MXI1: variants seen among roughly 807,000 people sequenced by gnomAD.
MXI1 encodes the protein MAX interactor 1, dimerization protein.
A neutral mutation model predicts 36.9 loss-of-function variants in MXI1; 18 were observed. That is an observed-to-expected ratio of 0.49 (90% confidence interval 0.34 to 0.72). The LOEUF (loss-of-function observed/expected upper bound fraction) is 0.72. Ranked by LOEUF, MXI1 falls within the 30% of genes least tolerant of loss-of-function variation. The pLI is 0.01. For synonymous variants in MXI1, 160 were observed against 146.7 expected (o/e 1.09, Z -0.65); for missense variants, 304 against 379.1 (o/e 0.80, Z 1.64).
At chr10:110,260,770 G>C (rs1272055919) in intron 3 of MXI1, among the ~76,000 whole-genome samples, 1 of 152,008 alleles carries the variant, frequency 6.6e-6, no homozygotes, top group East Asian at 1.9e-4. Context: ...CATATGGATA[G>C]ATATAGATAC....
At chr10:110,243,785 G>A (rs942363945) in intron 2 of MXI1, among the ~76,000 whole-genome samples, 4 of 151,982 alleles carry the variant, frequency 2.6e-5, no homozygotes, top group Non-Finnish European at 5.9e-5. Context: ...AATCATATGA[G>A]GCAAATACTG....
intron 1 of MXI1, among the ~76,000 whole-genome samples, chr10:110,219,098 G>A (rs1027675619): frequency 1.3e-5 from 2 of 152,310 alleles, no homozygotes; most frequent in African/African-American, 2.4e-5. Context: ...TCAGGAGTTC[G>A]AGACCAGCCT....
chr10:110,228,173 T>G lies in MXI1; in HGVS notation c.275-16T>G, dbSNP rs1300348113. 2 of 1,613,514 alleles carry G rather than the reference T, an allele frequency of 1.2e-6. No individual in the cohort carries two copies. Among genetic ancestry groups the G allele is most frequent in the Non-Finnish European group, 1.7e-6 (2 of 1,179,810 alleles). ...TATATTCTTCTTACCGTATCTTTTT[T>G]TCTTGCTTTCTTCAGAGTGTGAACA... On this transcript the variant is annotated splice_polypyrimidine_tract_variant and intron_variant, in intron 1 of 5. Transcript: ENST00000332674.
intron 3 of MXI1, among the ~76,000 whole-genome samples, chr10:110,251,485 G>A (rs1015063136): frequency 6.6e-6 from 1 of 152,030 alleles, no homozygotes; most frequent in Non-Finnish European, 1.5e-5. Context: ...ACCAGTAAAT[G>A]TCTAGAAAGG....
chr10:110,224,686 G>GC (rs1451335115), intron 1 of MXI1, among the ~76,000 whole-genome samples: 3 of 149,840 alleles, frequency 2.0e-5, no homozygotes, highest in Non-Finnish European at 4.4e-5. Flanking sequence ...TGTTGCCCAG[G>GC]CTGGAGGCCG....
chr10:110,230,556 G>C (rs1262345193), intron 2 of MXI1, among the ~76,000 whole-genome samples: 1 of 152,194 alleles, frequency 6.6e-6, no homozygotes, highest in African/African-American at 2.4e-5. Flanking sequence ...CAATGTGTGG[G>C]TTTTGGGCTG....
intron 3 of MXI1, among the ~76,000 whole-genome samples, chr10:110,268,433 ACACAGTGTAATGTTG>A (rs1322005311): frequency 1.3e-5 from 2 of 152,230 alleles, no homozygotes; most frequent in African/African-American, 2.4e-5. Flanking sequence ...GAAGCAAGTC[ACACAGTGTAATGTTG>A]CAACCCAGAT....
intron 2 of MXI1, among the ~76,000 whole-genome samples, chr10:110,239,011 T>A (rs1298805371): frequency 6.6e-6 from 1 of 152,238 alleles, no homozygotes; most frequent in African/African-American, 2.4e-5. Context: ...ATGTGTTGAT[T>A]TTTTAAAGTC....
chr10:110,279,303 T>C lies in MXI1; in HGVS notation c.552+9T>C. The C allele has an allele frequency of 6.2e-7, 1 of 1,610,390 alleles. No homozygotes were observed. Among genetic ancestry groups the C allele is most frequent in the Non-Finnish European group, 8.5e-7 (1 of 1,176,670 alleles). ...CCAAAGCACACATCAAGGTGAGAAT[T>C]TTTACTTTCAGATTTGCACAATTCC... On this transcript the variant is annotated intron_variant, in intron 4 of 5. Coordinates refer to ENST00000332674, the MANE Select transcript of MXI1 (RefSeq NM_130439.3).
intron 3 of MXI1, 64 bp downstream of exon 3, chr10:110,244,921 G>A: frequency 6.6e-7 from 1 of 1,520,436 alleles, no homozygotes; most frequent in Non-Finnish European, 9.0e-7. Context: ...TTTTACCTGT[G>A]AAAATAATGT....
chr10:110,284,985 T>C lies in MXI1; in HGVS notation c.886T>C (p.Ter296GlnextTer4). 5.0e-6 allele frequency: 8 copies of C among 1,611,602 alleles called. No individual in the cohort carries two copies. The highest frequency in any genetic ancestry group is 1.1e-5 in the South Asian group (1 of 90,438). The change falls in exon 6 of 6, where the codon TAG becomes CAG. Residue 296 changes from the stop codon to glutamine, a stop_lost. Coordinates refer to ENST00000332674, the MANE Select transcript of MXI1 (RefSeq NM_130439.3). ...SASVKLSFTS[*>Q] ...CAGTGTCAAACTTTCATTCACTTCA[T>C]AGAACCCAGCATGACATAACAGTGC... is the stretch of plus-strand genomic sequence containing the variant.
chr10:110,226,390 AGGTGTGCGCGCATGTGAGGGGAGG>A (rs1185141467), intron 1 of MXI1: 196 of 962,714 alleles, frequency 2.0e-4, no homozygotes, highest in Non-Finnish European at 2.3e-4. Flanking sequence ...GCATGAGGTG[AGGTGTGCGCGCATGTGAGGGGAGG>A]GGTGTGCGCG....
intron 3 of MXI1, among the ~76,000 whole-genome samples, chr10:110,264,421 A>G (rs1306774563): frequency 6.7e-6 from 1 of 149,948 alleles, no homozygotes; most frequent in East Asian, 2.0e-4. Context: ...GCTGGAGTGC[A>G]ATGGTGTGAT....
chr10:110,221,742 A>G (rs1854812395), intron 1 of MXI1, among the ~76,000 whole-genome samples: 1 of 152,184 alleles, frequency 6.6e-6, no homozygotes, highest in Non-Finnish European at 1.5e-5. Context: ...CACCAGTAAA[A>G]CTGGAGTTAA....
At chr10:110,254,987 G>A (rs1373177685) in intron 3 of MXI1, among the ~76,000 whole-genome samples, 1 of 151,970 alleles carries the variant, frequency 6.6e-6, no homozygotes, top group Non-Finnish European at 1.5e-5. Context: ...CAAAGTAGAC[G>A]AAACCATCAT....
chr10:110,210,870 C>T (rs1027273898), intron 1 of MXI1, among the ~76,000 whole-genome samples: 3 of 152,192 alleles, frequency 2.0e-5, no homozygotes, highest in Admixed American at 1.3e-4. Flanking sequence ...GCGGGTCGCT[C>T]GGCGCGCGCG....
At chr10:110,251,520 G>A (rs1856086503) in intron 3 of MXI1, among the ~76,000 whole-genome samples, 1 of 152,020 alleles carries the variant, frequency 6.6e-6, no homozygotes, top group Admixed American at 6.6e-5. Flanking sequence ...TTTTCATACT[G>A]AAAAATGAAA....
chr10:110,252,603 A>G (rs111933975), intron 3 of MXI1, among the ~76,000 whole-genome samples: 349 of 152,262 alleles, frequency 2.3e-3, no homozygotes, highest in African/African-American at 8.2e-3. Flanking sequence ...TAACATTTAT[A>G]TCTGTCTGAG....
chr10:110,257,753 C>G (rs1856366638), intron 3 of MXI1: 1 of 247,824 alleles, frequency 4.0e-6, no homozygotes, highest in Admixed American at 4.1e-5. Context: ...AGCTGAAGCA[C>G]CAGCCTGCTC....
Sources: allele counts gnomAD v4.1 joint callset (sites outside exome capture counted in the v4.1 genomes callset), GRCh38; gene constraint gnomAD v4.1.1; transcripts MANE v1.5; gene names NCBI Gene and HGNC (gene_info 2026-07-23, HGNC 2026-07-21).